CDYL2: variants seen among roughly 807,000 people sequenced by gnomAD.
CDYL2 encodes the protein chromodomain Y like 2, also known as chromodomain Y-like protein 2.
In CDYL2, 23 loss-of-function variants were observed where a neutral mutation model predicts 49.4. The ratio of observed to expected loss-of-function variants is 0.47; its 90% CI spans 0.34 to 0.66. The LOEUF (loss-of-function observed/expected upper bound fraction) is 0.66, where lower values mean the gene tolerates loss of function less well. CDYL2 is among the 30% of genes least tolerant of loss of function. The probability of loss-of-function intolerance (pLI) is 0.01; values close to 1 mark genes in which losing one functional copy is unlikely to be tolerated. For missense variants in CDYL2, 678 were observed against 656.4 expected (o/e 1.03, Z -0.36); for synonymous variants, 360 against 268.8 (o/e 1.34, Z -3.32).
chr16:80,732,597 C>T (rs1905368935), intron 1 of CDYL2, among the ~76,000 whole-genome samples: 1 of 152,182 alleles, frequency 6.6e-6, no homozygotes, highest in Admixed American at 6.5e-5. Context: ...TACCCTTTTG[C>T]TCCTTTTGAA....
chr16:80,769,615 A>T (rs1906840228), intron 1 of CDYL2, among the ~76,000 whole-genome samples: 1 of 152,196 alleles, frequency 6.6e-6, no homozygotes. Flanking sequence ...GTCAACAGGA[A>T]GTACAAACTT....
chr16:80,758,082 G>A (rs1906375345), intron 1 of CDYL2, among the ~76,000 whole-genome samples: 1 of 151,952 alleles, frequency 6.6e-6, no homozygotes, highest in Non-Finnish European at 1.5e-5. Flanking sequence ...TTAGATAACT[G>A]AAAAAAATCA....
chr16:80,632,589 T>C (rs1396499649), intron 3 of CDYL2: 1 of 175,774 alleles, frequency 5.7e-6, no homozygotes, highest in Non-Finnish European at 1.2e-5. Flanking sequence ...GTCTCAATTA[T>C]ATATACAATA....
intron 2 of CDYL2, among the ~76,000 whole-genome samples, chr16:80,647,024 G>T (rs1486793757): frequency 6.6e-6 from 1 of 152,030 alleles, no homozygotes; most frequent in Non-Finnish European, 1.5e-5. Context: ...ATTATATAAT[G>T]ATAAATACAC....
intron 2 of CDYL2, among the ~76,000 whole-genome samples, chr16:80,647,135 G>A (rs577763206): frequency 2.0e-5 from 3 of 151,982 alleles, no homozygotes; most frequent in South Asian, 4.2e-4. Context: ...TAAATACCTA[G>A]GAATTAACTT....
rs1291681806 is a variant in CDYL2, at chr16:80,604,038, G to C, written c.*350C>G. 3.5e-6 allele frequency: 1 copy of C among 282,198 alleles called. No individual in the cohort carries two copies. Among genetic ancestry groups the C allele is most frequent in the Non-Finnish European group, 6.9e-6 (1 of 145,910 alleles). 17.5% of individuals were successfully genotyped at this position (282,198 alleles called of 1,614,324 possible). ...AAGTCAGAGGCACTGTGTAGACACA[G>C]CCTGAGTCAGAAGAATGTGAAAGTG... On this transcript the variant is annotated 3_prime_UTR_variant, in exon 7 of 7. Transcript: ENST00000570137.
At chr16:80,640,256 G>A (rs66713144) in intron 2 of CDYL2, among the ~76,000 whole-genome samples, 2 of 151,988 alleles carry the variant, frequency 1.3e-5, no homozygotes, top group South Asian at 4.1e-4. Flanking sequence ...GGAGGACTTT[G>A]TCTTGCATTT....
chr16:80,685,028 C>A lies in CDYL2; in HGVS notation c.126G>T (p.Glu42Asp), dbSNP rs201935636. Residue 42 changes from glutamate (E) to aspartate (D), a missense_variant, in exon 2 of 7, where the codon GAG becomes GAT. Physicochemically the swap from Glu to Asp is conservative, Grantham distance 45. Transcript: ENST00000570137. Reference sequence around the variant, plus strand: ...ACTCCTCACAGTGCAAGAGGTGGTGCTCCGGCTCCCACGTGTCCTCGGTGC... The same window carrying A: ...ACTCCTCACAGTGCAAGAGGTGGTGATCCGGCTCCCACGTGTCCTCGGTGC... ...YGSTEDTWEP[E>D]HHLLHCEEFI... 1 of 1,614,182 alleles carries A rather than the reference C, an allele frequency of 6.2e-7. No individual in the cohort carries two copies. Among genetic ancestry groups the A allele is most frequent in the East Asian group, 2.2e-5 (1 of 44,886 alleles).
rs1187664359 is a variant in CDYL2 at position 80,738,714 on chromosome 16, A to G, written c.25-53585T>C. On this transcript the variant is annotated intron_variant, in intron 1 of 6. Transcript: ENST00000570137. ...GGTGATGTTGCACAACTCTGTAAAT[A>G]CACTAAAAATCACTGACTTGTACAC... The G allele has an allele frequency of 2.0e-5, 3 of 152,262 alleles. No individual in the cohort carries two copies. In the East Asian group the frequency reaches 5.8e-4, roughly 29 times the overall value. 9.4% of individuals were successfully genotyped at this position (152,262 alleles called of 1,614,324 possible). A position where few individuals can be genotyped will look rare whatever the true frequency, so the allele number is the denominator to read the frequency against.
intron 1 of CDYL2, among the ~76,000 whole-genome samples, chr16:80,739,613 C>A (rs953691810): frequency 2.0e-5 from 3 of 152,108 alleles, no homozygotes; most frequent in Admixed American, 1.3e-4. Flanking sequence ...CAGAGAGACC[C>A]TAGCACTGCC....
At chr16:80,679,824 G>T (rs1305380550) in intron 2 of CDYL2, 1 of 455,072 alleles carries the variant, frequency 2.2e-6, no homozygotes, top group East Asian at 7.0e-5. Context: ...TGGGCTCACT[G>T]GACCAATAGC....
chr16:80,793,008 A>T (rs578240363), intron 1 of CDYL2, among the ~76,000 whole-genome samples: 1 of 152,186 alleles, frequency 6.6e-6, no homozygotes, highest in African/African-American at 2.4e-5. Context: ...TGTAACCTCA[A>T]TGCAGAGCAG....
At chr16:80,775,055 T>A (rs1455868833) in intron 1 of CDYL2, among the ~76,000 whole-genome samples, 1 of 152,032 alleles carries the variant, frequency 6.6e-6, no homozygotes, top group Non-Finnish European at 1.5e-5. Context: ...TATATCTTCA[T>A]TTCTTGAACA....
intron 2 of CDYL2, among the ~76,000 whole-genome samples, chr16:80,640,946 A>C (rs1390833512): frequency 6.6e-6 from 1 of 152,230 alleles, no homozygotes; most frequent in Non-Finnish European, 1.5e-5. Context: ...AAGCATGCCT[A>C]CAGGATCTAG....
chr16:80,710,211 G>A (rs191622843), intron 1 of CDYL2, among the ~76,000 whole-genome samples: 1 of 152,132 alleles, frequency 6.6e-6, no homozygotes, highest in Non-Finnish European at 1.5e-5. Context: ...ACAGGTGTGA[G>A]CCACCATGCC....
intron 2 of CDYL2, among the ~76,000 whole-genome samples, chr16:80,658,917 C>G (rs960745499): frequency 6.6e-6 from 1 of 152,156 alleles, no homozygotes; most frequent in Non-Finnish European, 1.5e-5. Context: ...TGCAAAAGGG[C>G]ATATAAGGCA....
intron 1 of CDYL2, among the ~76,000 whole-genome samples, chr16:80,800,763 C>G (rs1161296032): frequency 6.6e-6 from 1 of 152,114 alleles, no homozygotes; most frequent in South Asian, 2.1e-4. Flanking sequence ...CTTCTGCTCA[C>G]TGATTCAGTC....
intron 1 of CDYL2, among the ~76,000 whole-genome samples, chr16:80,761,870 A>T (rs936645966): frequency 1.4e-5 from 2 of 147,354 alleles, no homozygotes; most frequent in African/African-American, 5.2e-5. Context: ...CAATCTAATA[A>T]AGGAGAAAAT....
chr16:80,682,349 G>A (rs367632628), intron 2 of CDYL2, among the ~76,000 whole-genome samples: 1 of 152,192 alleles, frequency 6.6e-6, no homozygotes, highest in Non-Finnish European at 1.5e-5. Context: ...GGAGCTAACA[G>A]GACAATCAAC....
Sources: allele counts gnomAD v4.1 joint callset (sites outside exome capture counted in the v4.1 genomes callset), GRCh38; gene constraint gnomAD v4.1.1; transcripts MANE v1.5; gene names NCBI Gene and HGNC (gene_info 2026-07-23, HGNC 2026-07-21).